The following PCDH11X variants were observed in gnomAD, a reference collection of about 807,000 sequenced individuals.
PCDH11X encodes protocadherin 11 X-linked.
Under a neutral mutation model 53.3 loss-of-function variants are expected in PCDH11X, and 18 were observed. The ratio of observed to expected loss-of-function variants is 0.34; its 90% CI spans 0.23 to 0.50. PCDH11X has a LOEUF of 0.50. Ranked by LOEUF, PCDH11X falls within the 20% of genes least tolerant of loss-of-function variation. PCDH11X has a pLI of 0.98. For missense variants in PCDH11X, 570 were observed against 1,032.4 expected (o/e 0.55, Z 6.14); for synonymous variants, 279 against 393.3 (o/e 0.71, Z 3.44).
intron 6 of PCDH11X, among the ~76,000 whole-genome samples, chrX:92,135,453 G>T (rs903349351): frequency 9.1e-6 from 1 of 110,429 alleles, no homozygotes; most frequent in African/African-American, 3.3e-5. Flanking sequence ...TGATGATTTT[G>T]TACAGTAAAA....
chrX:92,612,527 C>T (rs1602448279), intron 10 of PCDH11X, among the ~76,000 whole-genome samples: 1 of 110,593 alleles, frequency 9.0e-6, no homozygotes, highest in East Asian at 2.8e-4. Flanking sequence ...TTTATTTTTT[C>T]AATAGTTTGT....
chrX:92,235,926 C>A lies in PCDH11X; in HGVS notation c.3115-27188C>A, dbSNP rs73245232. Among the ~76,000 whole-genome samples, 601 of 111,003 alleles carry A rather than the reference C, an allele frequency of 5.4e-3. 2 individuals are homozygous for A. The highest frequency in any genetic ancestry group is 8.9e-3 in the Non-Finnish European group (471 of 52,839). On this transcript the variant is annotated intron_variant, in intron 7 of 10. Transcript: ENST00000682573. ...ATCACGGTATTGAACTAATGTTTCC[C>A]TAATAAATACAGATAATATTGGATA...
At chrX:92,443,739 A>G (rs1216888756) in intron 9 of PCDH11X, among the ~76,000 whole-genome samples, 2 of 111,586 alleles carry the variant, frequency 1.8e-5, no homozygotes, top group Non-Finnish European at 3.8e-5. Flanking sequence ...ATTCTTCTGC[A>G]TGTGGCTAGC....
intron 6 of PCDH11X, among the ~76,000 whole-genome samples, chrX:91,954,782 C>A (rs1478813715): frequency 1.8e-5 from 2 of 110,233 alleles, no homozygotes; most frequent in African/African-American, 6.7e-5. Context: ...CTGTTAACGT[C>A]CTTTGCTTAC....
At chrX:92,167,317 A>C (rs1247124787) in intron 6 of PCDH11X, among the ~76,000 whole-genome samples, 2 of 111,953 alleles carry the variant, frequency 1.8e-5, no homozygotes, top group African/African-American at 6.5e-5. Flanking sequence ...AAAATAGGCA[A>C]ACTAGGGGCT....
At chrX:92,472,456 A>G (rs1337974838) in intron 10 of PCDH11X, among the ~76,000 whole-genome samples, 3 of 83,096 alleles carry the variant, frequency 3.6e-5, no homozygotes, top group African/African-American at 1.0e-4. Flanking sequence ...TCTCTGTTCT[A>G]TTCCATTTGC....
intron 7 of PCDH11X, among the ~76,000 whole-genome samples, chrX:92,221,634 A>G (rs1356605334): frequency 4.5e-5 from 5 of 111,968 alleles, no homozygotes; most frequent in African/African-American, 1.6e-4. Context: ...GATTGTCTTT[A>G]AAGAAACACC....
At chrX:92,074,078 T>C (rs2562994) in intron 6 of PCDH11X, among the ~76,000 whole-genome samples, 33,120 of 110,595 alleles carry the variant, frequency 0.3, 5,542 homozygotes, top group African/African-American at 0.62. Context: ...TGTTTATAAA[T>C]GCATGATTTT....
At chrX:91,875,427 C>A (rs1387480283) in intron 5 of PCDH11X, among the ~76,000 whole-genome samples, 2 of 106,933 alleles carry the variant, frequency 1.9e-5, no homozygotes, top group Non-Finnish European at 3.8e-5. Flanking sequence ...GGACCACAGG[C>A]GCCCGCCACC....
chrX:92,165,531 G>A (rs997678174), intron 6 of PCDH11X, among the ~76,000 whole-genome samples: 1 of 111,915 alleles, frequency 8.9e-6, no homozygotes, highest in African/African-American at 3.2e-5. Flanking sequence ...GGCAGTGCAA[G>A]TGAAAAAGAT....
At chrX:92,274,432 A>T (rs2068033488) in intron 8 of PCDH11X, among the ~76,000 whole-genome samples, 2 of 111,326 alleles carry the variant, frequency 1.8e-5, no homozygotes, top group South Asian at 7.6e-4. Flanking sequence ...GGAAGGCTAA[A>T]CGGAGGAATT....
chrX:92,093,003 C>G lies in PCDH11X; in HGVS notation c.3034-108372C>G, dbSNP rs150483877. Among the ~76,000 whole-genome samples the G allele has an allele frequency of 2.1e-3, 234 of 111,210 alleles. 1 individual carries two copies. The highest frequency in any genetic ancestry group is 0.02 in the East Asian group (70 of 3,509). On this transcript the variant is annotated intron_variant, in intron 6 of 10. Transcript: ENST00000682573. Reference sequence around the variant, plus strand: ...CCTGGTTGTTTGAAAGTGTGTGGCACCCCACCACTCACTCTCTTCCTCCTC... The same window carrying G: ...CCTGGTTGTTTGAAAGTGTGTGGCAGCCCACCACTCACTCTCTTCCTCCTC...
chrX:91,833,590 C>T (rs1274525578), intron 4 of PCDH11X, among the ~76,000 whole-genome samples: 7 of 111,318 alleles, frequency 6.3e-5, no homozygotes, highest in Non-Finnish European at 1.1e-4. Context: ...ATAGGAAAGT[C>T]ATTGAATTCA....
At chrX:92,240,541 T>C (rs2067245008) in intron 7 of PCDH11X, among the ~76,000 whole-genome samples, 1 of 111,670 alleles carries the variant, frequency 9.0e-6, no homozygotes. Flanking sequence ...TACAGGGGGT[T>C]ATACAAGAAT....
intron 6 of PCDH11X, among the ~76,000 whole-genome samples, chrX:91,974,081 T>A (rs1239294774): frequency 2.7e-5 from 3 of 111,887 alleles, no homozygotes; most frequent in African/African-American, 9.7e-5. Context: ...AAAATTTTTT[T>A]TATATAATAG....
At chrX:92,274,989 G>A (rs1665854934) in intron 8 of PCDH11X, among the ~76,000 whole-genome samples, 1 of 109,664 alleles carries the variant, frequency 9.1e-6, no homozygotes, top group Non-Finnish European at 1.9e-5. Context: ...GTAATTGTGG[G>A]ACTTAAAGAG....
intron 6 of PCDH11X, among the ~76,000 whole-genome samples, chrX:91,937,999 G>C (rs1268037298): frequency 9.0e-6 from 1 of 110,529 alleles, no homozygotes; most frequent in Non-Finnish European, 1.9e-5. Context: ...AAACAATACT[G>C]GTTCTTTTAA....
chrX:92,276,621 T>A (rs751450803), intron 8 of PCDH11X, among the ~76,000 whole-genome samples: 1 of 111,298 alleles, frequency 9.0e-6, no homozygotes, highest in African/African-American at 3.3e-5. Context: ...CTGGGGTTTG[T>A]CTCACAGTGG....
At chrX:92,045,473 A>G (rs1378908200) in intron 6 of PCDH11X, among the ~76,000 whole-genome samples, 1 of 107,226 alleles carries the variant, frequency 9.3e-6, no homozygotes, top group East Asian at 3.0e-4. Flanking sequence ...TATTAAAGGC[A>G]CTAACACAGG....
Sources: gnomAD v4.1 joint callset for allele counts (sites outside exome capture counted in the v4.1 genomes callset) on GRCh38, gnomAD v4.1.1 for gene constraint, MANE v1.5 for transcripts, NCBI Gene and HGNC (gene_info 2026-07-23, HGNC 2026-07-21) for gene names.